MAX: variants seen among roughly 807,000 people sequenced by gnomAD.
The protein encoded by MAX is MYC associated transcriptional regulator X, also known as protein max.
In MAX, 3 loss-of-function variants were observed where a neutral mutation model predicts 22.3. The observed-to-expected ratio is 0.13, with a 90% CI of 0.06 to 0.35. MAX has a LOEUF of 0.35. Ranked by LOEUF, MAX falls within the 10% of genes least tolerant of loss-of-function variation. MAX has a pLI of 1.00. For missense variants in MAX, 119 were observed against 209.4 expected (o/e 0.57, Z 2.66); for synonymous variants, 72 against 77.7 (o/e 0.93, Z 0.39).
At chr14:65,053,460 C>T (rs950049789) in intron 3 of MAX, 2 of 924,062 alleles carry the variant, frequency 2.2e-6, no homozygotes, top group Non-Finnish European at 2.9e-6. Flanking sequence ...TCACCTTCAG[C>T]ACCTGCATAG....
In MAX at chr14:65,012,038, G is replaced by C; in HGVS notation, c.172-5754C>G. ...TGCCTGGCTGCGTGTGCTCATTGCG[G>C]CTTTTCCGTTAGCCCAAAGTCACTG... On this transcript the variant is annotated intron_variant, in intron 3 of 3. Coordinates refer to the MAX transcript ENST00000341653. The surrounding 1 kb of genome is among the most constrained non-coding windows in gnomAD (Gnocchi z 5.0). 1 of 357,670 alleles carries C rather than the reference G, an allele frequency of 2.8e-6. No individual in the cohort carries two copies. The highest frequency in any genetic ancestry group is 3.8e-5 in the Admixed American group (1 of 26,504). 22.2% of individuals were successfully genotyped at this position (357,670 alleles called of 1,614,324 possible). A position where few individuals can be genotyped will look rare whatever the true frequency, so the allele number is the denominator to read the frequency against.
At chr14:65,055,348 A>T (rs781354355) in intron 3 of MAX, among the ~76,000 whole-genome samples, 6 of 152,166 alleles carry the variant, frequency 3.9e-5, no homozygotes, top group Non-Finnish European at 5.9e-5. Context: ...ATCAAATCAC[A>T]GGGCCCATGC....
At chr14:65,061,363 A>T in intron 3 of MAX, 1 of 1,610,552 alleles carries the variant, frequency 6.2e-7, no homozygotes, top group Non-Finnish European at 8.5e-7. Context: ...CAGTCAGACA[A>T]GGTTTATACG....
chr14:65,050,569 C>T (rs1464621992), intron 3 of MAX, among the ~76,000 whole-genome samples: 4 of 152,060 alleles, frequency 2.6e-5, no homozygotes, highest in Non-Finnish European at 4.4e-5. Flanking sequence ...CCAGCCTGGG[C>T]GACAGAGCAA....
In MAX at chr14:65,044,276, G is replaced by T. The variant is rs1443570422; in HGVS notation, c.172-37992C>A. 1.9e-6 allele frequency: 3 copies of T among 1,609,802 alleles called. No individual in the cohort carries two copies. The highest frequency in any genetic ancestry group is 2.5e-6 in the Non-Finnish European group (3 of 1,178,356). Reference sequence around the variant, plus strand: ...GTCGGGCTGGATTTTGTCTCTTTTAGCCTACAACTGCCTTTCCCATCTGTG... The same window carrying T: ...GTCGGGCTGGATTTTGTCTCTTTTATCCTACAACTGCCTTTCCCATCTGTG... On this transcript the variant is annotated intron_variant, in intron 3 of 3. Coordinates refer to the MAX transcript ENST00000341653. The surrounding 1 kb of genome is among the most constrained non-coding windows in gnomAD (Gnocchi z 5.5).
rs1320357094 is a variant in MAX at position 65,079,096 on chromosome 14, AT to A, written c.172-1061del. Among the ~76,000 whole-genome samples, 1 of 152,188 alleles carries A rather than the reference AT, an allele frequency of 6.6e-6. No individual in the cohort carries two copies. Among genetic ancestry groups the A allele is most frequent in the Non-Finnish European group, 1.5e-5 (1 of 68,038 alleles). ...CTGGAAACATTAAAATACTACTTAA[AT>A]GAAAGCTTTAGGTCACTAATTCTGC... is the stretch of plus-strand genomic sequence containing the variant. On this transcript the variant is annotated intron_variant, in intron 3 of 4. Coordinates refer to ENST00000358664, the MANE Select transcript of MAX (RefSeq NM_002382.5). This position sits in a 1 kb window ranked among gnomAD's most constrained non-coding sequence, Gnocchi z 4.5.
At chr14:65,057,613 C>T (rs910398677) in intron 3 of MAX, among the ~76,000 whole-genome samples, 5 of 152,062 alleles carry the variant, frequency 3.3e-5, no homozygotes, top group African/African-American at 7.2e-5. Context: ...AATTGTGATG[C>T]GTGCTATGAA....
intron 3 of MAX, among the ~76,000 whole-genome samples, chr14:65,065,726 A>T (rs2139711637): frequency 6.6e-6 from 1 of 152,314 alleles, no homozygotes; most frequent in South Asian, 2.1e-4. Flanking sequence ...TCTACCACCA[A>T]TTAGCCCCAA....
Position 65,054,740 on chromosome 14 carries a change from C to CAG in MAX, c.171+38966_171+38967dup. The CAG allele has an allele frequency of 6.5e-7, 1 of 1,546,662 alleles. No individual in the cohort carries two copies. The highest frequency in any genetic ancestry group is 8.8e-7 in the Non-Finnish European group (1 of 1,139,744). The stretch of plus-strand genomic sequence containing the variant: ...CCCTTCTCCACAGGGACCTCGCGGA[C>CAG]AGAAGGCTTTCCAAGTAAGCAGAAC... On this transcript the variant is annotated intron_variant, in intron 3 of 3. Coordinates refer to the MAX transcript ENST00000341653. This position sits in a 1 kb window ranked among gnomAD's most constrained non-coding sequence, Gnocchi z 4.4.
downstream of MAX, among the ~76,000 whole-genome samples, chr14:65,074,621 G>A (rs1238073075): frequency 1.3e-5 from 2 of 152,242 alleles, no homozygotes; most frequent in African/African-American, 4.8e-5. Context: ...GGTCAAACAA[G>A]TTCAGGCTGG....
At chr14:65,033,967 A>AT (rs1164140893) in intron 3 of MAX, among the ~76,000 whole-genome samples, 1 of 152,254 alleles carries the variant, frequency 6.6e-6, no homozygotes, top group Non-Finnish European at 1.5e-5. Context: ...AGTAGTATGT[A>AT]TTACCATATA....
rs1013038800 is a variant in MAX, at chr14:65,102,405, G to A, written c.-66C>T. 6.3e-7 allele frequency: 1 copy of A among 1,583,168 alleles called. No homozygotes were observed. The highest frequency in any genetic ancestry group is 1.1e-5 in the South Asian group (1 of 87,102). On this transcript the variant is annotated 5_prime_UTR_variant, in exon 1 of 5. Transcript: ENST00000358664. Reference sequence around the variant, plus strand: ...GAGGGGAAGGGGTGAAGGGGAGGGGGAAGTCACCGACAACAACAAGCCGAG... The same window carrying A: ...GAGGGGAAGGGGTGAAGGGGAGGGGAAAGTCACCGACAACAACAAGCCGAG...
chr14:65,038,185 C>T (rs1595071380), intron 3 of MAX, among the ~76,000 whole-genome samples: 1 of 151,526 alleles, frequency 6.6e-6, no homozygotes, highest in Admixed American at 6.6e-5. Context: ...CTGAGGCGGG[C>T]GGATCACGAG....
intron 3 of MAX, among the ~76,000 whole-genome samples, chr14:65,052,622 T>G (rs2062640856): frequency 6.6e-6 from 1 of 152,194 alleles, no homozygotes; most frequent in Non-Finnish European, 1.5e-5. Context: ...GTCAGTACCT[T>G]AGTAGTATTA....
chr14:65,042,644 C>G (rs2062377993), intron 3 of MAX, among the ~76,000 whole-genome samples: 1 of 152,212 alleles, frequency 6.6e-6, no homozygotes, highest in East Asian at 1.9e-4. Flanking sequence ...CCAGACTACT[C>G]CCTTCCATTT....
Position 65,054,812 on chromosome 14 carries a change from TG to T in MAX, c.171+38895del, listed in dbSNP as rs1270461895. The T allele has an allele frequency of 1.1e-5, 12 of 1,090,506 alleles. No individual in the cohort carries two copies. The African/African-American group carries it at 1.4e-4, about 13-fold the overall frequency. The allele number at this position is 1,090,506 out of a possible 1,614,324, so 67.6% of individuals were successfully genotyped here. A position where few individuals can be genotyped will look rare whatever the true frequency, so the allele number is the denominator to read the frequency against. Reference sequence around the variant, plus strand: ...GACAGGCGGAAGCTTGTGGTCCCTCTGCCCTTCGAGCTGTGCAGCCGTTAGT... The same window carrying T: ...GACAGGCGGAAGCTTGTGGTCCCTCTCCCTTCGAGCTGTGCAGCCGTTAGT... On this transcript the variant is annotated intron_variant, in intron 3 of 3. Transcript: ENST00000341653. This position sits in a 1 kb window ranked among gnomAD's most constrained non-coding sequence, Gnocchi z 4.4.
At chr14:65,046,142 A>T (rs1255541066) in intron 3 of MAX, among the ~76,000 whole-genome samples, 1 of 151,966 alleles carries the variant, frequency 6.6e-6, no homozygotes, top group Non-Finnish European at 1.5e-5. Context: ...ACGCCCAGCC[A>T]ATTTTGTATT....
rs1235916353 is a variant in MAX at position 65,087,367 on chromosome 14, G to A, written c.171+6341C>T. ...ACTGACATCTTGCACTGTGCACCTG[G>A]AAAAGCTGCAGACACTCAATGCCAG... On this transcript the variant is annotated intron_variant, in intron 3 of 4. Coordinates refer to ENST00000358664, the MANE Select transcript of MAX (RefSeq NM_002382.5). Among the ~76,000 whole-genome samples the A allele has an allele frequency of 2.0e-5, 3 of 152,168 alleles. No homozygotes were observed. In the East Asian group the frequency reaches 5.8e-4, roughly 29 times the overall value.
At chr14:65,102,214 C>A (rs2139974544) in intron 1 of MAX, 90 bp downstream of exon 1, 1 of 1,582,082 alleles carries the variant, frequency 6.3e-7, no homozygotes, top group East Asian at 2.4e-5. Context: ...GGCGGCAGCC[C>A]GGCCCCCTCC....
Sources: gnomAD v4.1 joint callset for allele counts (sites outside exome capture counted in the v4.1 genomes callset) on GRCh38, gnomAD v4.1.1 for gene constraint, Gnocchi (gnomAD v3.1) non-coding constraint, MANE v1.5 for transcripts, NCBI Gene and HGNC (gene_info 2026-07-23, HGNC 2026-07-21) for gene names.